CDH13: variants seen among roughly 807,000 people sequenced by gnomAD.
CDH13 encodes the protein cadherin 13, also known as cadherin-13.
In CDH13, 24 loss-of-function variants were observed where a neutral mutation model predicts 63.8. The observed-to-expected ratio is 0.38, with a 90% CI of 0.27 to 0.53. The LOEUF (loss-of-function observed/expected upper bound fraction) is 0.53. CDH13 is among the 20% of genes least tolerant of loss of function. The pLI is 0.85. For missense variants in CDH13, 1,049 were observed against 903.1 expected, an observed-to-expected ratio of 1.16 and a Z score of -2.07; for synonymous variants, 503 against 355.3, an observed-to-expected ratio of 1.42 and a Z score of -4.67.
chr16:82,816,378 A>G (rs992738863), intron 1 of CDH13, among the ~76,000 whole-genome samples: 1 of 152,156 alleles, frequency 6.6e-6, no homozygotes. Context: ...AGGAGCTTAT[A>G]TTCCGGGGGG....
chr16:83,275,481 G>T (rs1035045661), intron 5 of CDH13, among the ~76,000 whole-genome samples: 2 of 152,152 alleles, frequency 1.3e-5, no homozygotes, highest in Admixed American at 1.3e-4. Flanking sequence ...GCTCATGCAG[G>T]CTTCTTAGTT....
chr16:82,956,946 A>G (rs1255091837), intron 2 of CDH13, among the ~76,000 whole-genome samples: 1 of 152,166 alleles, frequency 6.6e-6, no homozygotes, highest in Non-Finnish European at 1.5e-5. Flanking sequence ...TGGTGGCCCC[A>G]CTGTGTCACT....
chr16:83,256,040 TA>T (rs1355013913), intron 5 of CDH13, among the ~76,000 whole-genome samples: 1 of 152,158 alleles, frequency 6.6e-6, no homozygotes, highest in Non-Finnish European at 1.5e-5. Context: ...TAAAAGTGAT[TA>T]TTTTTTTCTT....
intron 6 of CDH13, among the ~76,000 whole-genome samples, chr16:83,356,099 C>G (rs547180079): frequency 3.3e-5 from 5 of 152,150 alleles, no homozygotes; most frequent in Non-Finnish European, 7.3e-5. Context: ...ATCCACAACA[C>G]CCACTGTCCT....
chr16:83,591,834 C>T (rs1161040076), intron 7 of CDH13, among the ~76,000 whole-genome samples: 1 of 152,166 alleles, frequency 6.6e-6, no homozygotes, highest in Admixed American at 6.5e-5. Context: ...TTTTCTTGTC[C>T]CTTTGGTGTC....
At chr16:83,636,931 G>A (rs1275545325) in intron 8 of CDH13, among the ~76,000 whole-genome samples, 2 of 152,036 alleles carry the variant, frequency 1.3e-5, no homozygotes, top group Non-Finnish European at 2.9e-5. Flanking sequence ...GTAATTTTTT[G>A]ACTTTTGAAC....
intron 11 of CDH13, among the ~76,000 whole-genome samples, chr16:83,749,492 T>A (rs1432462409): frequency 6.6e-6 from 1 of 152,198 alleles, no homozygotes; most frequent in Non-Finnish European, 1.5e-5. Flanking sequence ...AAATAACTGT[T>A]GTGTCTGCTA....
intron 1 of CDH13, among the ~76,000 whole-genome samples, chr16:82,642,228 G>A (rs1041826478): frequency 2.0e-5 from 3 of 151,674 alleles, no homozygotes; most frequent in Non-Finnish European, 2.9e-5. Context: ...AATTACTATT[G>A]TTGTTGACAC....
intron 7 of CDH13, among the ~76,000 whole-genome samples, chr16:83,534,695 G>C (rs967032254): frequency 2.6e-5 from 4 of 152,214 alleles, no homozygotes; most frequent in African/African-American, 7.2e-5. Context: ...TGTATGGATA[G>C]GCCACATTTT....
At chr16:83,152,370 C>A (rs968680498) in intron 4 of CDH13, among the ~76,000 whole-genome samples, 1 of 152,108 alleles carries the variant, frequency 6.6e-6, no homozygotes, top group Non-Finnish European at 1.5e-5. Flanking sequence ...TAGAAAAATG[C>A]ATAAAAATAC....
intron 3 of CDH13, among the ~76,000 whole-genome samples, chr16:83,053,846 G>C (rs1365318644): frequency 6.6e-6 from 1 of 152,106 alleles, no homozygotes; most frequent in Non-Finnish European, 1.5e-5. Context: ...CACATTTCGA[G>C]ACCCCGACCG....
intron 3 of CDH13, among the ~76,000 whole-genome samples, chr16:83,039,012 C>T (rs978908428): frequency 2.0e-5 from 3 of 152,202 alleles, no homozygotes; most frequent in Non-Finnish European, 2.9e-5. Flanking sequence ...CAGGCTTCGT[C>T]TTGAAACATG....
chr16:82,627,575 C>A (rs537087076), intron 1 of CDH13, among the ~76,000 whole-genome samples: 1 of 152,148 alleles, frequency 6.6e-6, no homozygotes, highest in Non-Finnish European at 1.5e-5. Context: ...CGAAGCGCTG[C>A]TCGGGTCCGG....
At chr16:83,716,818 GTCTTCCAGTCCTTT>G in intron 10 of CDH13, among the ~76,000 whole-genome samples, 1 of 152,236 alleles carries the variant, frequency 6.6e-6, no homozygotes, top group East Asian at 1.9e-4. Context: ...GGTAGGTAAA[GTCTTCCAGTCCTTT>G]TCATTCTCTC....
At chr16:83,193,524 T>A (rs1024904528) in intron 4 of CDH13, among the ~76,000 whole-genome samples, 5 of 152,178 alleles carry the variant, frequency 3.3e-5, no homozygotes, top group Non-Finnish European at 5.9e-5. Context: ...TGGGGAGGTA[T>A]AAGGACTCCT....
At chr16:83,269,878 C>T (rs1318224487) in intron 5 of CDH13, among the ~76,000 whole-genome samples, 1 of 152,178 alleles carries the variant, frequency 6.6e-6, no homozygotes, top group Non-Finnish European at 1.5e-5. Context: ...GTCTGTCCTG[C>T]TTCCTCAAAG....
At chr16:82,698,179 T>C (rs1410592800) in intron 1 of CDH13, among the ~76,000 whole-genome samples, 1 of 152,234 alleles carries the variant, frequency 6.6e-6, no homozygotes, top group Admixed American at 6.5e-5. Flanking sequence ...TTGGTAAGAA[T>C]GAGCTCTTGA....
In CDH13 at chr16:83,615,160, G is replaced by T. The variant is rs550697005; in HGVS notation, c.1101+12566G>T. Among the ~76,000 whole-genome samples the T allele has an allele frequency of 7.9e-5, 12 of 152,194 alleles. No homozygotes were observed. In the South Asian group the frequency reaches 2.5e-3, roughly 32 times the overall value. ...TAAATATATTTATCCAGTCCTCCAG[G>T]ATTCCGTGCAATATATTTGAGTGCT... On this transcript the variant is annotated intron_variant, in intron 8 of 13. Coordinates refer to ENST00000567109, the MANE Select transcript of CDH13 (RefSeq NM_001257.5).
At chr16:83,492,051 G>A (rs1039227569) in intron 7 of CDH13, among the ~76,000 whole-genome samples, 4 of 152,166 alleles carry the variant, frequency 2.6e-5, no homozygotes, top group East Asian at 1.9e-4. Flanking sequence ...TCTAGCCAAC[G>A]AATTTGGATG....
Sources: allele counts gnomAD v4.1 joint callset (sites outside exome capture counted in the v4.1 genomes callset), GRCh38; gene constraint gnomAD v4.1.1; transcripts MANE v1.5; gene names NCBI Gene and HGNC (gene_info 2026-07-23, HGNC 2026-07-21).